LIPC: variants seen among roughly 807,000 people sequenced by gnomAD.
LIPC encodes hepatic triacylglycerol lipase.
A neutral mutation model predicts 50.7 loss-of-function variants in LIPC; 44 were observed. The ratio of observed to expected loss-of-function variants is 0.87; its 90% CI spans 0.68 to 1.11. The LOEUF (loss-of-function observed/expected upper bound fraction) is 1.11, where lower values mean the gene tolerates loss of function less well. LIPC is among the 50% of genes most tolerant of loss of function. LIPC has a pLI of 0.00. For missense variants in LIPC, 697 were observed against 648.2 expected, an observed-to-expected ratio of 1.08 and a Z score of -0.82; for synonymous variants, 271 against 256.4, an observed-to-expected ratio of 1.06 and a Z score of -0.54.
intron 1 of LIPC, among the ~76,000 whole-genome samples, chr15:58,506,354 C>T (rs1479830446): frequency 2.0e-5 from 3 of 152,138 alleles, no homozygotes; most frequent in African/African-American, 7.2e-5. Context: ...GGCATGGGCA[C>T]ATTGAACGGG....
At chr15:58,488,000 G>C (rs570047593) in intron 1 of LIPC, among the ~76,000 whole-genome samples, 11 of 152,222 alleles carry the variant, frequency 7.2e-5, no homozygotes, top group African/African-American at 2.7e-4. Flanking sequence ...GGCCAGGCAC[G>C]GTAGCTCACA....
At position 58,463,832 on chromosome 15, in the gene LIPC, T is replaced by A. The variant is rs115085363; in HGVS notation, c.88+31712T>A. 8.8e-3 allele frequency among the ~76,000 whole-genome samples: 1,334 copies of A among 152,284 alleles called. 24 individuals carry two copies. Among genetic ancestry groups the A allele is most frequent in the African/African-American group, 0.03 (1,229 of 41,540 alleles). On this transcript the variant is annotated intron_variant, in intron 1 of 8. Coordinates refer to ENST00000299022, the MANE Select transcript of LIPC (RefSeq NM_000236.3). ...GCATTCATCTCTTTGAATACTTAAT[T>A]TTACAGTACCTCTTGCATAACTTTC...
intron 1 of LIPC, among the ~76,000 whole-genome samples, chr15:58,529,108 T>C (rs1029673301): frequency 6.6e-6 from 1 of 152,084 alleles, no homozygotes; most frequent in African/African-American, 2.4e-5. Context: ...GAATGAAGGA[T>C]AAGGTCAAAT....
Position 58,456,355 on chromosome 15 carries a change from T to C in LIPC, c.88+24235T>C, listed in dbSNP as rs139892657. ...TAAATTGCTCTGTGTGATAGTATGA[T>C]AGCTGATTATGTATTTATCCTCAAT... On this transcript the variant is annotated intron_variant, in intron 1 of 8. Transcript: ENST00000299022. The C allele has an allele frequency of 8.3e-4, 126 of 152,392 alleles. 1 individual carries two copies. Among genetic ancestry groups the C allele is most frequent in the African/African-American group, 2.9e-3 (122 of 41,594 alleles). 9.4% of individuals were successfully genotyped at this position (152,392 alleles called of 1,614,324 possible). A position where few individuals can be genotyped will look rare whatever the true frequency, so the allele number is the denominator to read the frequency against.
At chr15:58,496,797 T>C (rs1359746322) in intron 1 of LIPC, among the ~76,000 whole-genome samples, 1 of 137,020 alleles carries the variant, frequency 7.3e-6, no homozygotes. Flanking sequence ...CAGGCTGGAG[T>C]GCAGTGGTTC....
At chr15:58,558,114 C>T (rs1362394998) in intron 6 of LIPC, among the ~76,000 whole-genome samples, 2 of 151,516 alleles carry the variant, frequency 1.3e-5, no homozygotes, top group Non-Finnish European at 2.9e-5. Context: ...TGCCCTGTCA[C>T]CAGGCTGGAG....
chr15:58,443,842 GT>G (rs1296519312), intron 1 of LIPC, among the ~76,000 whole-genome samples: 1 of 152,236 alleles, frequency 6.6e-6, no homozygotes. Context: ...TTGGAGCAAT[GT>G]TTTGCGGGCA....
At chr15:58,482,096 T>C (rs1221147447) in intron 1 of LIPC, among the ~76,000 whole-genome samples, 1 of 152,220 alleles carries the variant, frequency 6.6e-6, no homozygotes, top group Admixed American at 6.5e-5. Context: ...ATTATCTTTC[T>C]TTTAAATTTT....
chr15:58,434,303 A>C (rs576743925), intron 1 of LIPC, among the ~76,000 whole-genome samples: 7 of 152,276 alleles, frequency 4.6e-5, no homozygotes, highest in Non-Finnish European at 1.0e-4. Context: ...CTTCCTCTTT[A>C]GCCCCTCCTC....
chr15:58,518,350 T>C (rs1389848590), intron 1 of LIPC, among the ~76,000 whole-genome samples: 1 of 152,156 alleles, frequency 6.6e-6, no homozygotes, highest in African/African-American at 2.4e-5. Context: ...GAGAAAGCAG[T>C]GGTGATTAAG....
At chr15:58,489,814 G>C (rs1376318934) in intron 1 of LIPC, among the ~76,000 whole-genome samples, 24 of 152,088 alleles carry the variant, frequency 1.6e-4, no homozygotes, top group African/African-American at 5.8e-4. Context: ...GTTGAGTTTG[G>C]GGAGTGGCTA....
intron 1 of LIPC, among the ~76,000 whole-genome samples, chr15:58,493,970 A>G (rs1891681622): frequency 6.6e-6 from 1 of 152,110 alleles, no homozygotes; most frequent in Non-Finnish European, 1.5e-5. Flanking sequence ...TTAAGAAATG[A>G]GAGTAGGGGT....
At chr15:58,544,391 CTTTCTTT>C (rs1212976604) in intron 4 of LIPC, among the ~76,000 whole-genome samples, 1 of 110,272 alleles carries the variant, frequency 9.1e-6, no homozygotes, top group East Asian at 2.8e-4. Flanking sequence ...TTCTTTTTCT[CTTTCTTT>C]TTTTTTTTTT....
chr15:58,563,022 CT>C (rs1293332792), intron 7 of LIPC, among the ~76,000 whole-genome samples: 1 of 152,142 alleles, frequency 6.6e-6, no homozygotes, highest in African/African-American at 2.4e-5. Context: ...TCGGTGCATC[CT>C]TTTTATGTGT....
chr15:58,438,256 C>T (rs928182170), intron 1 of LIPC, among the ~76,000 whole-genome samples: 3 of 152,098 alleles, frequency 2.0e-5, no homozygotes, highest in Admixed American at 6.5e-5. Context: ...GGCTGGGCCC[C>T]GAGACAGGGC....
chr15:58,494,399 G>C (rs1414287278), intron 1 of LIPC, among the ~76,000 whole-genome samples: 2 of 152,228 alleles, frequency 1.3e-5, no homozygotes, highest in African/African-American at 4.8e-5. Flanking sequence ...CCCACATGAG[G>C]AGGTGCCCAG....
At chr15:58,444,394 C>T (rs1272569111) in intron 1 of LIPC, among the ~76,000 whole-genome samples, 2 of 152,174 alleles carry the variant, frequency 1.3e-5, no homozygotes, top group Non-Finnish European at 2.9e-5. Flanking sequence ...CTGTGCCAGG[C>T]CTTGTGCTAG....
At chr15:58,528,977 G>A (rs1892869912) in intron 1 of LIPC, among the ~76,000 whole-genome samples, 1 of 152,154 alleles carries the variant, frequency 6.6e-6, no homozygotes, top group Non-Finnish European at 1.5e-5. Flanking sequence ...GCTCTGGGCT[G>A]AGACAGGACT....
chr15:58,527,798 T>C (rs1892838371), intron 1 of LIPC, among the ~76,000 whole-genome samples: 1 of 152,086 alleles, frequency 6.6e-6, no homozygotes, highest in African/African-American at 2.4e-5. Context: ...AATTAATGAA[T>C]GAATGAATGA....
Sources: allele counts gnomAD v4.1 joint callset (sites outside exome capture counted in the v4.1 genomes callset), GRCh38; gene constraint gnomAD v4.1.1; transcripts MANE v1.5; gene names NCBI Gene and HGNC (gene_info 2026-07-23, HGNC 2026-07-21).